CFAP47: variants seen among roughly 807,000 people sequenced by gnomAD.
CFAP47 encodes the protein cilia and flagella associated protein 47.
Under a neutral mutation model 148.1 loss-of-function variants are expected in CFAP47, and 29 were observed. The observed-to-expected ratio is 0.20, with a 90% CI of 0.15 to 0.27. CFAP47 has a LOEUF of 0.27. Among genes scored for constraint, CFAP47 ranks in the 10% least tolerant of loss-of-function variants. CFAP47 has a pLI of 1.00. For missense variants in CFAP47, 1,872 were observed against 1,697.5 expected, an observed-to-expected ratio of 1.10 and a Z score of -1.81; for synonymous variants, 664 against 577.3, an observed-to-expected ratio of 1.15 and a Z score of -2.15.
Position 35,926,135 on chromosome X carries a change from T to C in CFAP47, c.368T>C (p.Ile123Thr), listed in dbSNP as rs144148513. ...EDTFDRLLIS[I>T]ENKTTEIPLI... ...ACTTTTGACCGGCTACTTATTTCAATAGAAAATAAAACAACAGAAATTCCT... is the reference window on the plus strand; with the variant it reads ...ACTTTTGACCGGCTACTTATTTCAACAGAAAATAAAACAACAGAAATTCCT... Residue 123 changes from isoleucine (I) to threonine (T), a missense_variant, in exon 2 of 64, where the codon ATA (isoleucine) becomes ACA (threonine). By Grantham distance (89) the Ile-to-Thr change is moderately conservative (BLOSUM62 -1). Transcript: ENST00000378653. The C allele has an allele frequency of 1.1e-5, 13 of 1,203,645 alleles. No individual in the cohort carries two copies. In the East Asian group the frequency reaches 1.5e-4, roughly 14 times the overall value.
intron 10 of CFAP47, among the ~76,000 whole-genome samples, chrX:35,968,660 AT>A (rs765707655): frequency 1.4e-4 from 16 of 111,152 alleles, no homozygotes; most frequent in Non-Finnish European, 2.8e-4. Context: ...ATACCATTTG[AT>A]TTTTAGGACA....
At chrX:36,293,219 A>G (rs781991798) in intron 51 of CFAP47, among the ~76,000 whole-genome samples, 15 of 112,070 alleles carry the variant, frequency 1.3e-4, no homozygotes, top group Admixed American at 5.7e-4. Context: ...GGATTTTCAA[A>G]TGAAGTCACA....
chrX:36,065,724 A>G lies in CFAP47; in HGVS notation c.4299A>G (p.Gln1433=). 1 of 1,163,037 alleles carries G rather than the reference A, an allele frequency of 8.6e-7. No homozygotes were observed. Among genetic ancestry groups the G allele is most frequent in the Admixed American group, 2.2e-5 (1 of 45,186 alleles). Residue 1433 remains glutamine (Q), a synonymous_variant, in exon 27 of 64, where the codon CAA becomes CAG. Coordinates refer to ENST00000378653, the MANE Select transcript of CFAP47 (RefSeq NM_001304548.2). ...YPYMAIHLDK[Q]NIILKNDKDE... ...ATATGGCAATTCATCTGGATAAGCA[A>G]AACATTATTTTAAAGAATGGTAAGC...
At chrX:36,067,814 C>T (rs1231714459) in intron 27 of CFAP47, among the ~76,000 whole-genome samples, 3 of 109,785 alleles carry the variant, frequency 2.7e-5, no homozygotes, top group African/African-American at 6.7e-5. Context: ...AGGTGCCCGC[C>T]ACCATGGCCG....
intron 63 of CFAP47, among the ~76,000 whole-genome samples, chrX:36,382,626 T>C (rs965091790): frequency 9.0e-6 from 1 of 111,465 alleles, no homozygotes; most frequent in Non-Finnish European, 1.9e-5. Flanking sequence ...GCTTTCTTAA[T>C]GGAAACTCGG....
intron 15 of CFAP47, among the ~76,000 whole-genome samples, chrX:35,983,486 C>T (rs1936673612): frequency 9.0e-6 from 1 of 111,663 alleles, no homozygotes; most frequent in African/African-American, 3.3e-5. Context: ...TAGCACTACA[C>T]TGAATAGAAG....
At chrX:36,223,188 C>T (rs1266986551) in intron 45 of CFAP47, among the ~76,000 whole-genome samples, 2 of 111,163 alleles carry the variant, frequency 1.8e-5, no homozygotes, top group African/African-American at 6.5e-5. Context: ...TTATAGCTTA[C>T]AGAACCGTGA....
intron 45 of CFAP47, among the ~76,000 whole-genome samples, chrX:36,205,954 G>A (rs1321994656): frequency 9.0e-6 from 1 of 111,467 alleles, no homozygotes; most frequent in African/African-American, 3.3e-5. Context: ...GCCTGAAAGG[G>A]TGATTACAAC....
Position 36,286,405 on chromosome X carries a change from T to G in CFAP47, c.7686+679T>G, listed in dbSNP as rs781826677. 7.5e-5 allele frequency among the ~76,000 whole-genome samples: 8 copies of G among 106,670 alleles called. No individual in the cohort carries two copies. In the Admixed American group the frequency reaches 8.3e-4, roughly 11 times the overall value. 92.6% of individuals were successfully genotyped at this position (106,670 alleles called of 115,157 possible). On this transcript the variant is annotated intron_variant, in intron 51 of 63. Transcript: ENST00000378653. ...GAATTGATTACTTAGAATCTTGAAC[T>G]TTGGTTCCAATAAATAGAAAGTAAA...
intron 26 of CFAP47, among the ~76,000 whole-genome samples, chrX:36,048,907 G>T (rs1053064447): frequency 1.8e-5 from 2 of 111,270 alleles, no homozygotes; most frequent in African/African-American, 6.5e-5. Context: ...TTGGTGTTAC[G>T]GTTTGGTGAA....
chrX:36,138,319 C>A, intron 34 of CFAP47, 29 bp from the exon 35 acceptor site: 2 of 1,079,037 alleles, frequency 1.9e-6, no homozygotes, highest in Non-Finnish European at 2.4e-6. Context: ...ATTCCATTAC[C>A]AAAAGGTTTG....
chrX:36,296,532 A>T (rs1428874302), intron 51 of CFAP47, among the ~76,000 whole-genome samples: 1 of 112,492 alleles, frequency 8.9e-6, no homozygotes, highest in African/African-American at 3.2e-5. Context: ...ATTGTTTTGT[A>T]AAACTTTTGT....
intron 15 of CFAP47, among the ~76,000 whole-genome samples, chrX:35,983,790 C>G (rs929412188): frequency 8.9e-6 from 1 of 111,823 alleles, no homozygotes; most frequent in African/African-American, 3.3e-5. Context: ...GTTGAACCAA[C>G]CTGTGTCTCT....
At position 36,144,140 on chromosome X, in the gene CFAP47, A is replaced by C. The variant is rs189745147; in HGVS notation, c.5536-1079A>C. On this transcript the variant is annotated intron_variant, in intron 35 of 63. Transcript: ENST00000378653. ...TACATATTTGAAGTTCAAGCATTCT[A>C]TAAGGCCTATTTAATGTGCCATTGG... Among the ~76,000 whole-genome samples the C allele has an allele frequency of 9.2e-4, 103 of 112,262 alleles. 1 individual carries two copies. The highest frequency in any genetic ancestry group is 3.2e-3 in the African/African-American group (99 of 30,887).
chrX:36,066,051 C>A (rs1795381154), intron 27 of CFAP47, among the ~76,000 whole-genome samples: 1 of 111,897 alleles, frequency 8.9e-6, no homozygotes, highest in Non-Finnish European at 1.9e-5. Flanking sequence ...CAGTGGGAAC[C>A]TTCTGTCATT....
chrX:36,248,248 CAGA>C (rs1309406244), intron 48 of CFAP47, among the ~76,000 whole-genome samples: 6 of 104,460 alleles, frequency 5.7e-5, no homozygotes, highest in African/African-American at 2.1e-4. Flanking sequence ...TACACACTAT[CAGA>C]AGATCTACAG....
At chrX:36,235,754 C>A (rs888753660) in intron 46 of CFAP47, among the ~76,000 whole-genome samples, 180 bp from the exon 47 acceptor site, 7 of 112,490 alleles carry the variant, frequency 6.2e-5, no homozygotes, top group Non-Finnish European at 1.3e-4. Context: ...CCTATTCGGC[C>A]ATCTTGGCTC....
rs764846948 is a variant in CFAP47, at chrX:35,920,054, A to G, written c.249+6A>G. On this transcript the variant is annotated splice_donor_region_variant and intron_variant, in intron 1 of 63. Coordinates refer to ENST00000378653, the MANE Select transcript of CFAP47 (RefSeq NM_001304548.2). ...AGGAGCCCGTCAAGCCACAGGTGAC[A>G]CACTAAGGGGTGCTGGGAGCGGGAC... is the stretch of plus-strand genomic sequence containing the variant. 2 of 1,179,491 alleles carry G rather than the reference A, an allele frequency of 1.7e-6. No individual in the cohort carries two copies. Among genetic ancestry groups the G allele is most frequent in the South Asian group, 3.9e-5 (2 of 51,510 alleles).
intron 44 of CFAP47, 64 bp from the exon 45 acceptor site, chrX:36,204,893 G>T (rs1940023685): frequency 3.4e-6 from 1 of 294,771 alleles, no homozygotes; most frequent in Non-Finnish European, 5.9e-6. Context: ...ACATAATGCT[G>T]TCTTTTGTGT....
Sources: gnomAD v4.1 joint callset for allele counts (sites outside exome capture counted in the v4.1 genomes callset) on GRCh38, gnomAD v4.1.1 for gene constraint, MANE v1.5 for transcripts, NCBI Gene and HGNC (gene_info 2026-07-23, HGNC 2026-07-21) for gene names.